The following TJP1 variants were observed in gnomAD, a reference collection of about 807,000 sequenced individuals.
TJP1 encodes tight junction protein ZO-1.
Under a neutral mutation model 194.2 loss-of-function variants are expected in TJP1, and 43 were observed. That is an observed-to-expected ratio of 0.22 (90% CI 0.17 to 0.29). The LOEUF (loss-of-function observed/expected upper bound fraction) is 0.29, where lower values mean the gene tolerates loss of function less well. TJP1 is among the 10% of genes least tolerant of loss of function. The pLI, the probability that TJP1 is intolerant of heterozygous loss-of-function variation, is 1.00. For missense variants in TJP1, 1,971 were observed against 2,185.7 expected (o/e 0.90, Z 1.96); for synonymous variants, 801 against 779.0 (o/e 1.03, Z -0.47).
chr15:29,949,923 TCACCAC>T (rs1346247269), intron 2 of TJP1, among the ~76,000 whole-genome samples: 31 of 4,430 alleles, frequency 7.0e-3, no homozygotes, highest in African/African-American at 0.013. Flanking sequence ...ACCTCCACCT[TCACCAC>T]CACCACCACC....
At position 29,854,470 on chromosome 15, in the gene TJP1, G is replaced by T. The variant is rs942357157; in HGVS notation, c.307-53768C>A. On this transcript the variant is annotated intron_variant, in intron 2 of 28. Coordinates refer to the TJP1 transcript ENST00000356107. The stretch of plus-strand genomic sequence containing the variant: ...AAGATTGGTCCGAGACAAAAGAGGG[G>T]AACGTGATGTGAAGAGGGAGGGAAA... 2.0e-5 allele frequency among the ~76,000 whole-genome samples: 3 copies of T among 152,114 alleles called. No individual in the cohort carries two copies. In the South Asian group the frequency reaches 6.2e-4, roughly 32 times the overall value.
At chr15:29,760,155 T>G (rs1456412852) in intron 8 of TJP1, 3 of 695,958 alleles carry the variant, frequency 4.3e-6, no homozygotes, top group African/African-American at 1.8e-5. Flanking sequence ...GTGATCTTCA[T>G]GTGGACTGCA....
chr15:29,700,528 G>A lies in TJP1; in HGVS notation c.*1067C>T, dbSNP rs1286347167. 2 of 398,510 alleles carry A rather than the reference G, an allele frequency of 5.0e-6. No homozygotes were observed. The highest frequency in any genetic ancestry group is 8.9e-6 in the Non-Finnish European group (2 of 225,986). The allele number at this position is 398,510 out of a possible 1,614,324, so 24.7% of individuals were successfully genotyped here. On this transcript the variant is annotated 3_prime_UTR_variant, in exon 28 of 28. Coordinates refer to ENST00000614355, the MANE Select transcript of TJP1 (RefSeq NM_001330239.4). ...GAGGTCAAAGTTCAAGGCTCAAGAG[G>A]TACAGGAGAGAATACAAAGGTAGCC...
At chr15:29,968,562 G>GCC in intron 1 of TJP1, 1 of 813,212 alleles carries the variant, frequency 1.2e-6, no homozygotes, top group African/African-American at 1.9e-5. Context: ...TCGCGGCCTC[G>GCC]CCCCCCGCCC....
intron 2 of TJP1, among the ~76,000 whole-genome samples, chr15:29,897,178 G>A (rs531558399): frequency 6.6e-6 from 1 of 152,272 alleles, no homozygotes; most frequent in South Asian, 2.1e-4. Flanking sequence ...CCAGGCCCAG[G>A]GTCCCCATAC....
At chr15:29,881,317 T>C (rs1191777624) in intron 2 of TJP1, among the ~76,000 whole-genome samples, 4 of 152,230 alleles carry the variant, frequency 2.6e-5, no homozygotes, top group Non-Finnish European at 5.9e-5. Context: ...TATTGAGTTG[T>C]AGGAATTCGT....
intron 1 of TJP1, among the ~76,000 whole-genome samples, chr15:29,964,419 AG>A (rs1295801000): frequency 1.4e-5 from 2 of 142,684 alleles, no homozygotes; most frequent in East Asian, 2.1e-4. Flanking sequence ...TTTTAAAAAA[AG>A]AGAGACAGGA....
At chr15:29,912,695 C>CAGA (rs2054056475) in intron 2 of TJP1, among the ~76,000 whole-genome samples, 1 of 64,950 alleles carries the variant, frequency 1.5e-5, no homozygotes, top group Non-Finnish European at 2.4e-5. Flanking sequence ...GACTCTGTCT[C>CAGA]AAAAAAAAAA....
intron 2 of TJP1, among the ~76,000 whole-genome samples, chr15:29,868,440 C>T (rs577646498): frequency 7.9e-5 from 12 of 152,152 alleles, no homozygotes; most frequent in Non-Finnish European, 1.5e-4. Context: ...TCCACGCATG[C>T]CTGTGTGGCT....
At chr15:29,798,459 C>G (rs2048560534) in intron 2 of TJP1, among the ~76,000 whole-genome samples, 1 of 152,076 alleles carries the variant, frequency 6.6e-6, no homozygotes, top group East Asian at 1.9e-4. Flanking sequence ...TGAGCATTTC[C>G]TTTAAACATG....
At chr15:29,956,251 A>G in exon 2 of TJP1, 3 of 1,287,604 alleles carry the variant, frequency 2.3e-6, no homozygotes, top group Non-Finnish European at 3.0e-6. Flanking sequence ...ACAGAAATCC[A>G]TGCTATCAAG....
At chr15:29,753,448 C>G in intron 8 of TJP1, among the ~76,000 whole-genome samples, 1 of 133,380 alleles carries the variant, frequency 7.5e-6, no homozygotes, top group Admixed American at 8.6e-5. Flanking sequence ...CGTGCCACTG[C>G]ACTCCAGCCT....
At chr15:29,714,188 C>T (rs2042408751) in intron 23 of TJP1, among the ~76,000 whole-genome samples, 1 of 152,096 alleles carries the variant, frequency 6.6e-6, no homozygotes, top group African/African-American at 2.4e-5. Context: ...AGAAAGCAAA[C>T]ATGCATTTTG....
chr15:29,772,005 A>C, intron 4 of TJP1, 59 bp downstream of exon 4: 1 of 1,063,076 alleles, frequency 9.4e-7, no homozygotes, highest in Non-Finnish European at 1.4e-6. Flanking sequence ...CAAATACCAG[A>C]AATGTATCAA....
intron 23 of TJP1, among the ~76,000 whole-genome samples, chr15:29,715,352 TCTC>T (rs2042498051): frequency 6.6e-6 from 1 of 152,172 alleles, no homozygotes; most frequent in Non-Finnish European, 1.5e-5. Flanking sequence ...GCATTTGGAT[TCTC>T]ATAAACTGCT....
In TJP1 at chr15:29,836,473, G is replaced by A. The variant is rs551406802; in HGVS notation, c.307-35771C>T. ...ATTTTAGTAGAGACGGGGTTTCACCGTGTTGGCCAGGATGGTCTCCATCTC... is the reference window on the plus strand; with the variant it reads ...ATTTTAGTAGAGACGGGGTTTCACCATGTTGGCCAGGATGGTCTCCATCTC... On this transcript the variant is annotated intron_variant, in intron 2 of 28. Transcript: ENST00000356107. Among the ~76,000 whole-genome samples, 115 of 151,804 alleles carry A rather than the reference G, an allele frequency of 7.6e-4. 1 individual carries two copies. The highest frequency in any genetic ancestry group is 2.5e-3 in the African/African-American group (105 of 41,384).
chr15:29,715,561 C>G (rs187045807), intron 23 of TJP1, among the ~76,000 whole-genome samples: 120 of 152,282 alleles, frequency 7.9e-4, no homozygotes, highest in African/African-American at 2.8e-3. Context: ...GCCCACGCAA[C>G]TAAGTAAGGA....
At chr15:29,743,447 C>T (rs1195588352) in intron 8 of TJP1, among the ~76,000 whole-genome samples, 1 of 152,238 alleles carries the variant, frequency 6.6e-6, no homozygotes, top group Non-Finnish European at 1.5e-5. Flanking sequence ...AAAGAAAAGA[C>T]AGGCATGATG....
At chr15:29,858,969 T>C (rs147952670) in intron 2 of TJP1, among the ~76,000 whole-genome samples, 1 of 152,276 alleles carries the variant, frequency 6.6e-6, no homozygotes, top group African/African-American at 2.4e-5. Flanking sequence ...CTGGGATTAC[T>C]AGTACGAGCC....
Sources: allele counts gnomAD v4.1 joint callset (sites outside exome capture counted in the v4.1 genomes callset), GRCh38; gene constraint gnomAD v4.1.1; transcripts MANE v1.5; gene names NCBI Gene and HGNC (gene_info 2026-07-23, HGNC 2026-07-21).